Variants in TBC1D8 observed in about 807,000 individuals in gnomAD.
TBC1D8 encodes the protein TBC1 domain family member 8, also known as BUB2-like protein 1.
In TBC1D8, 65 loss-of-function variants were observed where a neutral mutation model predicts 118.8. That is an observed-to-expected ratio of 0.55 (90% CI 0.45 to 0.67). The LOEUF is 0.67. Ranked by LOEUF, TBC1D8 falls within the 30% of genes least tolerant of loss-of-function variation. The pLI is 0.00. For synonymous variants in TBC1D8, 566 were observed against 595.8 expected, an observed-to-expected ratio of 0.95 and a Z score of 0.73; for missense variants, 1,376 against 1,471.2, an observed-to-expected ratio of 0.94 and a Z score of 1.06.
Position 101,037,535 on chromosome 2 carries a change from T to G in TBC1D8, c.1449A>C (p.Arg483=), listed in dbSNP as rs1322293537. 5.0e-6 allele frequency: 8 copies of G among 1,611,916 alleles called. No homozygotes were observed. The African/African-American group carries it at 1.1e-4, about 22-fold the overall frequency. ...TTGGGCACCAGGCGTCACCCACCAT[T>G]CGGGAGTCAGGGCTCTGGCTGCCTG... is the stretch of plus-strand genomic sequence containing the variant. ...QQSGSQSPDS[R]MSREQIKISL... is the part of the protein sequence containing the mutation. The change falls in exon 8 of 20, where the codon CGA becomes CGC. Residue 483 remains arginine (R), a synonymous_variant. Transcript: ENST00000409318.
intron 17 of TBC1D8, 66 bp from the exon 18 acceptor site, chr2:101,011,606 A>G: frequency 6.4e-7 from 1 of 1,555,896 alleles, no homozygotes; most frequent in Non-Finnish European, 8.8e-7. Context: ...ACAGTAATGT[A>G]GCTTTCTAGG....
chr2:101,102,990 A>T (rs1449001341), intron 1 of TBC1D8, among the ~76,000 whole-genome samples: 1 of 152,194 alleles, frequency 6.6e-6, no homozygotes, highest in Non-Finnish European at 1.5e-5. Context: ...CAGAGGGAAC[A>T]CGCGAATTCA....
In TBC1D8 at chr2:101,010,918, A is replaced by G. The variant is rs770057771; in HGVS notation, c.3015+11T>C. ...AAAAAGTTAATTCTCTGCACTGAAG[A>G]AAGTCCATACCTGGCTCATTTTGGG... On this transcript the variant is annotated intron_variant, in intron 19 of 19. Coordinates refer to ENST00000409318, the MANE Select transcript of TBC1D8 (RefSeq NM_001330348.2). 1 of 1,606,718 alleles carries G rather than the reference A, an allele frequency of 6.2e-7. No individual in the cohort carries two copies. The highest frequency in any genetic ancestry group is 1.7e-5 in the Admixed American group (1 of 59,648).
chr2:101,023,539 A>G (rs1680164517), intron 15 of TBC1D8: 2 of 367,490 alleles, frequency 5.4e-6, no homozygotes, highest in Non-Finnish European at 1.1e-5. Flanking sequence ...GGAGGGCCCC[A>G]GAGGTGGAAG....
At chr2:101,064,128 C>A (rs1019872578) in intron 2 of TBC1D8, among the ~76,000 whole-genome samples, 3 of 152,146 alleles carry the variant, frequency 2.0e-5, no homozygotes, top group African/African-American at 7.2e-5. Context: ...AGCCCCTGCT[C>A]CCAGTGGGAG....
intron 2 of TBC1D8, among the ~76,000 whole-genome samples, chr2:101,088,846 A>G (rs1340428911): frequency 6.6e-6 from 1 of 152,098 alleles, no homozygotes; most frequent in Non-Finnish European, 1.5e-5. Flanking sequence ...TGCTGTGATT[A>G]CAGGCATGAG....
intron 1 of TBC1D8, among the ~76,000 whole-genome samples, chr2:101,145,068 T>C (rs1679264195): frequency 6.6e-6 from 1 of 152,228 alleles, no homozygotes; most frequent in African/African-American, 2.4e-5. Flanking sequence ...AGCCTCTCAA[T>C]AATTGTCAGC....
rs543345020 is a variant in TBC1D8, at chr2:101,023,010, C to T, written c.2521-489G>A. ...AATACAAAACATTAGCTGGGTGTAGCGGTGTGCACCTGTGATCCCAGCTAC... is the reference window on the plus strand; with the variant it reads ...AATACAAAACATTAGCTGGGTGTAGTGGTGTGCACCTGTGATCCCAGCTAC... On this transcript the variant is annotated intron_variant, in intron 15 of 19. Coordinates refer to ENST00000409318, the MANE Select transcript of TBC1D8 (RefSeq NM_001330348.2). Among the ~76,000 whole-genome samples, 10 of 151,824 alleles carry T rather than the reference C, an allele frequency of 6.6e-5. No homozygotes were observed. The East Asian group carries it at 1.8e-3, about 27-fold the overall frequency.
At chr2:101,026,236 C>T (rs1322485644) in intron 15 of TBC1D8, among the ~76,000 whole-genome samples, 1 of 152,202 alleles carries the variant, frequency 6.6e-6, no homozygotes, top group African/African-American at 2.4e-5. Flanking sequence ...CAAGCCAAAA[C>T]TCACATAATT....
intron 1 of TBC1D8, among the ~76,000 whole-genome samples, chr2:101,096,796 G>GGAGGGAGA (rs1553418150): frequency 6.8e-6 from 1 of 146,502 alleles, no homozygotes; most frequent in African/African-American, 2.5e-5. Context: ...AGAGAGAGGG[G>GGAGGGAGA]GAGAGAGAGA....
At chr2:101,034,338 G>A (rs1020657684) in intron 9 of TBC1D8, among the ~76,000 whole-genome samples, 8 of 152,122 alleles carry the variant, frequency 5.3e-5, no homozygotes, top group East Asian at 1.9e-4. Context: ...ATACACACAC[G>A]CAAATTTCAT....
At chr2:101,062,677 C>CT (rs910008145) in intron 2 of TBC1D8, among the ~76,000 whole-genome samples, 1 of 152,174 alleles carries the variant, frequency 6.6e-6, no homozygotes, top group Non-Finnish European at 1.5e-5. Context: ...GATGGAGTCT[C>CT]TGTCACCCAG....
At chr2:101,030,043 T>C (rs929241178) in intron 11 of TBC1D8, 1 of 341,430 alleles carries the variant, frequency 2.9e-6, no homozygotes, top group African/African-American at 2.1e-5. Context: ...CCTCACACCA[T>C]ACAGAAAAAA....
chr2:101,033,481 T>A, intron 10 of TBC1D8, 63 bp downstream of exon 10: 1 of 1,595,078 alleles, frequency 6.3e-7, no homozygotes, highest in Non-Finnish European at 8.6e-7. Context: ...AATGAAACCC[T>A]GGGAAGGACA....
rs766080564 is a variant in TBC1D8, at chr2:101,022,541, A to G, written c.2521-20T>C. On this transcript the variant is annotated intron_variant, in intron 15 of 19. Coordinates refer to ENST00000409318, the MANE Select transcript of TBC1D8 (RefSeq NM_001330348.2). ...TTCTCTCTTCAAACAAGAGGGGGAA[A>G]GGGAGTTCTTACCACTTATTGAACA... 6.3e-7 allele frequency: 1 copy of G among 1,584,252 alleles called. No homozygotes were observed. Among genetic ancestry groups the G allele is most frequent in the East Asian group, 2.2e-5 (1 of 44,666 alleles).
chr2:101,137,206 T>C (rs1277904015), intron 1 of TBC1D8, among the ~76,000 whole-genome samples: 3 of 151,630 alleles, frequency 2.0e-5, no homozygotes, highest in Admixed American at 6.6e-5. Context: ...CTAATTTTTG[T>C]ATTTTTAGTA....
At chr2:101,148,356 A>T (rs1679404089) in intron 1 of TBC1D8, among the ~76,000 whole-genome samples, 1 of 152,228 alleles carries the variant, frequency 6.6e-6, no homozygotes, top group South Asian at 2.1e-4. Context: ...CATTCATCCT[A>T]CAAATGTTTC....
intron 5 of TBC1D8, among the ~76,000 whole-genome samples, chr2:101,048,532 G>C (rs1179077632): frequency 1.3e-5 from 2 of 152,106 alleles, no homozygotes; most frequent in African/African-American, 4.8e-5. Context: ...AAAATCAAGA[G>C]CATTTGTGTT....
chr2:101,066,944 CAAA>C (rs543680787), intron 2 of TBC1D8, among the ~76,000 whole-genome samples: 22,167 of 114,558 alleles, frequency 0.19, 1,874 homozygotes, highest in Middle Eastern at 0.32. Flanking sequence ...GAGAGTATCC[CAAA>C]AAAAAAAAAA....
Sources: gnomAD v4.1 joint callset for allele counts (sites outside exome capture counted in the v4.1 genomes callset) on GRCh38, gnomAD v4.1.1 for gene constraint, MANE v1.5 for transcripts, NCBI Gene and HGNC (gene_info 2026-07-23, HGNC 2026-07-21) for gene names.